KLF8: variants seen among roughly 807,000 people sequenced by gnomAD.
KLF8 encodes Krueppel-like factor 8.
KLF8 carries 10 observed loss-of-function variants against 18.2 expected under a neutral mutation model. That is an observed-to-expected ratio of 0.55 (90% CI 0.34 to 0.93). The LOEUF is 0.93. Among genes scored for constraint, KLF8 ranks in the 40% least tolerant of loss-of-function variants. The probability of loss-of-function intolerance (pLI) is 0.02; values close to 1 mark genes in which losing one functional copy is unlikely to be tolerated. For synonymous variants in KLF8, 109 were observed against 97.3 expected (o/e 1.12, Z -0.71); for missense variants, 264 against 277.9 (o/e 0.95, Z 0.36).
the KLF8 span, among the ~76,000 whole-genome samples, chrX:56,154,099 C>A: frequency 1.5e-3 from 167 of 110,895 alleles, 1 homozygote; most frequent in Non-Finnish European, 2.8e-3. Flanking sequence ...TCATATGGAA[C>A]CAAAAAAAGA....
chrX:56,253,186 C>T (rs192851350), intron 2 of KLF8, among the ~76,000 whole-genome samples: 57 of 111,979 alleles, frequency 5.1e-4, no homozygotes, highest in African/African-American at 1.7e-3. Flanking sequence ...TTGATTGAAT[C>T]CTTTGCTTTG....
chrX:55,940,368 G>A, the KLF8 span, among the ~76,000 whole-genome samples: 13 of 111,329 alleles, frequency 1.2e-4, no homozygotes, highest in Non-Finnish European at 2.3e-4. Flanking sequence ...GTTATTGATG[G>A]GACGTATCTC....
At chrX:56,070,949 C>G in the KLF8 span, among the ~76,000 whole-genome samples, 1 of 111,896 alleles carries the variant, frequency 8.9e-6, no homozygotes, top group Non-Finnish European at 1.9e-5. Flanking sequence ...ATCATTTACT[C>G]TAATAGGAGA....
the KLF8 span, among the ~76,000 whole-genome samples, chrX:55,944,439 C>T: frequency 2.7e-5 from 3 of 109,819 alleles, no homozygotes; most frequent in Non-Finnish European, 5.7e-5. Flanking sequence ...TGGTAGAATT[C>T]GGCTGTGAAT....
chrX:56,062,512 T>A, the KLF8 span, among the ~76,000 whole-genome samples: 43 of 112,042 alleles, frequency 3.8e-4, 1 homozygote, highest in Admixed American at 1.6e-3. Flanking sequence ...AATATTGGCC[T>A]CCACTCTCTT....
chrX:55,980,351 G>A, the KLF8 span, among the ~76,000 whole-genome samples: 1 of 111,820 alleles, frequency 8.9e-6, no homozygotes, highest in South Asian at 3.8e-4. Flanking sequence ...TGAGCTTCAG[G>A]TAATTAATGT....
chrX:56,014,620 T>C, the KLF8 span, among the ~76,000 whole-genome samples: 1 of 111,445 alleles, frequency 9.0e-6, no homozygotes, highest in Non-Finnish European at 1.9e-5. Flanking sequence ...AGCAGTCCCA[T>C]TACTGTGTAT....
chrX:56,208,354 A>C, the KLF8 span, among the ~76,000 whole-genome samples: 2 of 110,918 alleles, frequency 1.8e-5, no homozygotes, highest in African/African-American at 6.5e-5. Context: ...GATTTTATTT[A>C]TTTGGGTCTT....
the KLF8 span, among the ~76,000 whole-genome samples, chrX:56,046,448 CTA>C: frequency 9.0e-6 from 1 of 110,854 alleles, no homozygotes; most frequent in African/African-American, 3.3e-5. Context: ...ATTCATTGTG[CTA>C]TTTGTTGTCT....
At chrX:56,152,120 T>C in the KLF8 span, among the ~76,000 whole-genome samples, 1 of 112,175 alleles carries the variant, frequency 8.9e-6, no homozygotes, top group African/African-American at 3.2e-5. Flanking sequence ...ATAAATGTTA[T>C]ACAGACATTT....
the KLF8 span, among the ~76,000 whole-genome samples, chrX:55,993,509 T>G: frequency 8.9e-6 from 1 of 112,053 alleles, no homozygotes; most frequent in African/African-American, 3.2e-5. Flanking sequence ...ACTGCTAGTA[T>G]TTTGTTGAAA....
At chrX:56,178,491 G>C in the KLF8 span, among the ~76,000 whole-genome samples, 2 of 112,168 alleles carry the variant, frequency 1.8e-5, no homozygotes, top group South Asian at 7.3e-4. Context: ...AGTTTAATTA[G>C]ATCCCATTTG....
At chrX:56,049,996 C>G in the KLF8 span, among the ~76,000 whole-genome samples, 2 of 111,152 alleles carry the variant, frequency 1.8e-5, no homozygotes, top group South Asian at 3.8e-4. Context: ...TTAGTCTTGG[C>G]AGGGTGTATG....
intron 2 of KLF8, among the ~76,000 whole-genome samples, chrX:56,264,931 A>C (rs1185976473): frequency 8.9e-6 from 1 of 112,210 alleles, no homozygotes; most frequent in Non-Finnish European, 1.9e-5. Context: ...GACTTTAAAT[A>C]ATTTTGCAAG....
the KLF8 span, among the ~76,000 whole-genome samples, chrX:56,064,147 G>A: frequency 2.6e-4 from 26 of 101,775 alleles, no homozygotes; most frequent in African/African-American, 1.0e-3. Context: ...ACATATATAT[G>A]TGTGTGTGTG....
chrX:56,190,001 C>A, the KLF8 span, among the ~76,000 whole-genome samples: 1 of 106,922 alleles, frequency 9.4e-6, no homozygotes, highest in Non-Finnish European at 1.9e-5. Context: ...GCACATGTAC[C>A]CTGAAACTTA....
rs779642429 is a variant in KLF8, at chrX:56,286,035, A to G, written c.*1541A>G. The stretch of plus-strand genomic sequence containing the variant: ...CAAGAAGGGATCCCGTTAACCATCT[A>G]GTCCTATCCATCCCTCATATTTTAC... On this transcript the variant is annotated 3_prime_UTR_variant, in exon 6 of 6. Transcript: ENST00000468660. The G allele has an allele frequency of 5.4e-5, 6 of 111,557 alleles. No homozygotes were observed. Among genetic ancestry groups the G allele is most frequent in the Non-Finnish European group, 1.9e-5 (1 of 53,146 alleles). 9.2% of individuals were successfully genotyped at this position (111,557 alleles called of 1,213,427 possible).
the KLF8 span, among the ~76,000 whole-genome samples, chrX:56,211,490 A>G: frequency 1.8e-5 from 2 of 112,182 alleles, no homozygotes; most frequent in Admixed American, 1.9e-4. Context: ...AAGCTACTAC[A>G]GCACTGGGTC....
chrX:56,101,797 A>G, the KLF8 span, among the ~76,000 whole-genome samples: 2 of 111,332 alleles, frequency 1.8e-5, no homozygotes, highest in Non-Finnish European at 3.8e-5. Flanking sequence ...TAATAAGTTC[A>G]TTTGATATTT....
Sources: allele counts gnomAD v4.1 joint callset (sites outside exome capture counted in the v4.1 genomes callset), GRCh38; gene constraint gnomAD v4.1.1; transcripts MANE v1.5; gene names NCBI Gene and HGNC (gene_info 2026-07-23, HGNC 2026-07-21).